FBXO42: variants seen among roughly 807,000 people sequenced by gnomAD.
FBXO42 encodes F-box protein 42.
A neutral mutation model predicts 71.7 loss-of-function variants in FBXO42; 12 were observed. The ratio of observed to expected loss-of-function variants is 0.17; its 90% CI spans 0.11 to 0.27. The LOEUF is 0.27. Ranked by LOEUF, FBXO42 falls within the 10% of genes least tolerant of loss-of-function variation. The pLI, the probability that FBXO42 is intolerant of heterozygous loss-of-function variation, is 1.00. For missense variants in FBXO42, 707 were observed against 911.9 expected (o/e 0.78, Z 2.89); for synonymous variants, 325 against 327.5 (o/e 0.99, Z 0.08).
intron 4 of FBXO42, among the ~76,000 whole-genome samples, chr1:16,284,793 C>A (rs1427224083): frequency 1.3e-5 from 2 of 152,106 alleles, no homozygotes; most frequent in Non-Finnish European, 2.9e-5. Context: ...CATGGAGAAA[C>A]CCTGTCTCTA....
chr1:16,328,441 G>A (rs1385938072), intron 1 of FBXO42, among the ~76,000 whole-genome samples: 1 of 152,204 alleles, frequency 6.6e-6, no homozygotes, highest in African/African-American at 2.4e-5. Context: ...GAACGATTAA[G>A]TAAATAGTTG....
Position 16,305,793 on chromosome 1 carries a change from A to G in FBXO42, c.367+10T>C. On this transcript the variant is annotated intron_variant, in intron 3 of 9. Coordinates refer to ENST00000375592, the MANE Select transcript of FBXO42 (RefSeq NM_018994.3). ...GCAGGGTGGAATCTGCTTTCACAGT[A>G]AATACTTACTGTGCGAGAAGCGCTG... The G allele has an allele frequency of 1.2e-6, 2 of 1,605,658 alleles. No individual in the cohort carries two copies. The highest frequency in any genetic ancestry group is 4.5e-5 in the East Asian group (2 of 44,828).
chr1:16,350,757 A>AAAAAAAAGAAAGAAAGAAAG (rs1553156683), intron 1 of FBXO42, among the ~76,000 whole-genome samples: 1 of 44,268 alleles, frequency 2.3e-5, no homozygotes, highest in East Asian at 7.0e-4. Flanking sequence ...AAAAAAAAAA[A>AAAAAAAAGAAAGAAAGAAAG]AAAGAAAGAA....
In FBXO42 at chr1:16,251,002, G is replaced by T. The variant is rs770185155; in HGVS notation, c.1822C>A (p.Gln608Lys). The change falls in exon 10 of 10, where the codon CAA becomes AAA. Residue 608 changes from glutamine (Q) to lysine (K), a missense_variant. Gln to Lys is a moderately conservative substitution (Grantham distance 53). This residue lies in a region of FBXO42 where 482 missense variants were observed against 587.1 expected (regional missense o/e 0.82). Coordinates refer to ENST00000375592, the MANE Select transcript of FBXO42 (RefSeq NM_018994.3). The surrounding 1 kb of genome is among the most constrained non-coding windows in gnomAD (Gnocchi z 4.5). Reference sequence around the variant, plus strand: ...GGAGGTAAGGAATGTCCATCTCCTTGGGCAGGCCCTGGGCGAGGGATGGGC... The same window carrying T: ...GGAGGTAAGGAATGTCCATCTCCTTTGGCAGGCCCTGGGCGAGGGATGGGC... ...TVPIPRPGPAQGDGHSLPPIA... is the reference protein window; with the variant it reads ...TVPIPRPGPAKGDGHSLPPIA... 1 of 1,614,202 alleles carries T rather than the reference G, an allele frequency of 6.2e-7. No homozygotes were observed. Among genetic ancestry groups the T allele is most frequent in the South Asian group, 1.1e-5 (1 of 91,084 alleles).
At chr1:16,343,530 A>G (rs2082626272) in intron 1 of FBXO42, among the ~76,000 whole-genome samples, 1 of 152,132 alleles carries the variant, frequency 6.6e-6, no homozygotes, top group Non-Finnish European at 1.5e-5. Flanking sequence ...CAGGTGACAG[A>G]GCCAGACCCT....
intron 4 of FBXO42, among the ~76,000 whole-genome samples, chr1:16,257,749 C>T (rs370330402): frequency 3.3e-5 from 5 of 152,140 alleles, no homozygotes; most frequent in East Asian, 3.9e-4. Flanking sequence ...GATGCAATCT[C>T]GGCTCACTGC....
At chr1:16,265,396 A>T (rs1202734841) in intron 4 of FBXO42, among the ~76,000 whole-genome samples, 1 of 152,170 alleles carries the variant, frequency 6.6e-6, no homozygotes, top group East Asian at 1.9e-4. Flanking sequence ...CGGCCTAAAA[A>T]ATATTTTTAT....
At chr1:16,290,892 A>G (rs1009427304) in intron 4 of FBXO42, among the ~76,000 whole-genome samples, 2 of 152,166 alleles carry the variant, frequency 1.3e-5, no homozygotes, top group Non-Finnish European at 2.9e-5. Flanking sequence ...GGTATTTTGT[A>G]TGGCACCCTG....
chr1:16,284,691 G>A (rs2082002791), intron 4 of FBXO42, among the ~76,000 whole-genome samples: 1 of 152,166 alleles, frequency 6.6e-6, no homozygotes, highest in Non-Finnish European at 1.5e-5. Context: ...AATTAGGCCA[G>A]GCGCAGGGAC....
At chr1:16,299,687 C>G (rs1219095526) in intron 3 of FBXO42, among the ~76,000 whole-genome samples, 3 of 152,164 alleles carry the variant, frequency 2.0e-5, no homozygotes, top group Non-Finnish European at 4.4e-5. Flanking sequence ...CTCTGTCACC[C>G]AGGCTGGAGT....
intron 4 of FBXO42, among the ~76,000 whole-genome samples, chr1:16,261,774 G>A (rs1186407145): frequency 6.6e-6 from 1 of 152,026 alleles, no homozygotes; most frequent in African/African-American, 2.4e-5. Flanking sequence ...CGCGATCTCG[G>A]CTCACTGCAA....
intron 4 of FBXO42, among the ~76,000 whole-genome samples, chr1:16,286,240 G>T (rs902804098): frequency 1.3e-5 from 2 of 152,028 alleles, no homozygotes; most frequent in Non-Finnish European, 2.9e-5. Context: ...AATCCATCTG[G>T]ATTAGTCTAT....
rs2081579262 is a variant in FBXO42 at position 16,250,403 on chromosome 1, A to G, written c.*267T>C. 6.4e-6 allele frequency: 1 copy of G among 155,078 alleles called. No individual in the cohort carries two copies. Among genetic ancestry groups the G allele is most frequent in the Admixed American group, 6.5e-5 (1 of 15,324 alleles). The allele number at this position is 155,078 out of a possible 1,614,324, so 9.6% of individuals were successfully genotyped here. On this transcript the variant is annotated 3_prime_UTR_variant, in exon 10 of 10. Coordinates refer to ENST00000375592, the MANE Select transcript of FBXO42 (RefSeq NM_018994.3). The surrounding 1 kb of genome is among the most constrained non-coding windows in gnomAD (Gnocchi z 4.7). ...AAAAAGGCAGCCCAGCCCCTGTTAA[A>G]ACACAGCAACAACTTTATCTGAACC...
At chr1:16,321,247 G>A (rs6670512) in intron 1 of FBXO42, among the ~76,000 whole-genome samples, 3,026 of 152,252 alleles carry the variant, frequency 0.02, 87 homozygotes, top group African/African-American at 0.07. Flanking sequence ...AGATGCCAAG[G>A]AGAACACACA....
chr1:16,348,486 CAGG>C (rs1025929444), intron 1 of FBXO42, among the ~76,000 whole-genome samples: 3 of 152,028 alleles, frequency 2.0e-5, no homozygotes, highest in African/African-American at 7.2e-5. Flanking sequence ...ATCACATGGT[CAGG>C]AGTTCGAGAC....
chr1:16,351,685 A>C (rs1245132241), intron 1 of FBXO42, among the ~76,000 whole-genome samples: 1 of 152,140 alleles, frequency 6.6e-6, no homozygotes, highest in East Asian at 1.9e-4. Flanking sequence ...AGCCTTCCAC[A>C]GTCACAGCAT....
chr1:16,304,408 T>C (rs2082229176), intron 3 of FBXO42, among the ~76,000 whole-genome samples: 1 of 152,030 alleles, frequency 6.6e-6, no homozygotes, highest in Non-Finnish European at 1.5e-5. Context: ...CGTGAGCCAC[T>C]GAACCCAGCC....
intron 4 of FBXO42, among the ~76,000 whole-genome samples, chr1:16,276,349 C>CA (rs1249391221): frequency 6.7e-6 from 1 of 149,450 alleles, no homozygotes; most frequent in Non-Finnish European, 1.5e-5. Flanking sequence ...CACTGCACAC[C>CA]AGCCCGGGCG....
intron 1 of FBXO42, among the ~76,000 whole-genome samples, chr1:16,323,449 A>G (rs2082424588): frequency 6.6e-6 from 1 of 151,820 alleles, no homozygotes. Context: ...AAAAGTAATT[A>G]AGGGAACTTC....
Sources: allele counts gnomAD v4.1 joint callset (sites outside exome capture counted in the v4.1 genomes callset), GRCh38; gene constraint gnomAD v4.1.1; regional missense constraint gnomAD v4.1.1; non-coding constraint Gnocchi (gnomAD v3.1); transcripts MANE v1.5; gene names NCBI Gene and HGNC (gene_info 2026-07-23, HGNC 2026-07-21).